KRT1: variants seen among roughly 807,000 people sequenced by gnomAD.
KRT1 encodes keratin, type II cytoskeletal 1.
KRT1 carries 28 observed loss-of-function variants against 51.6 expected under a neutral mutation model. The ratio of observed to expected loss-of-function variants is 0.54; its 90% CI spans 0.40 to 0.74. KRT1 has a LOEUF of 0.74. KRT1 is among the 30% of genes least tolerant of loss of function. The probability of loss-of-function intolerance (pLI) is 0.00; values close to 1 mark genes in which losing one functional copy is unlikely to be tolerated. For synonymous variants in KRT1, 301 were observed against 307.7 expected (o/e 0.98, Z 0.23); for missense variants, 783 against 815.5 (o/e 0.96, Z 0.49).
chr12:52,675,496 G>GCCA lies in KRT1; in HGVS notation c.1629_1631dup (p.Gly548dup), dbSNP rs1941488679. 1 of 1,546,378 alleles carries GCCA rather than the reference G, an allele frequency of 6.5e-7. No individual in the cohort carries two copies. Among genetic ancestry groups the GCCA allele is most frequent in the Admixed American group, 1.8e-5 (1 of 56,046 alleles). On this transcript the variant is annotated inframe_insertion, in exon 9 of 9. Coordinates refer to ENST00000252244, the MANE Select transcript of KRT1 (RefSeq NM_006121.4). ...CATAGCTGCCACGGCCGCCGCCGCC[G>GCCA]CCACCTCCAGAACCATAGCTACCAC...
At chr12:52,678,795 G>C (rs770965582) in intron 1 of KRT1, 39 bp from the exon 2 acceptor site, 52 of 1,567,766 alleles carry the variant, frequency 3.3e-5, no homozygotes, top group Non-Finnish European at 4.3e-5. Context: ...ATGCATAAAT[G>C]GAGTCTCATA....
intron 6 of KRT1, 149 bp from the exon 7 acceptor site, chr12:52,676,644 A>C: frequency 2.6e-6 from 2 of 780,812 alleles, no homozygotes; most frequent in Admixed American, 4.0e-5. Flanking sequence ...CAGATAACAC[A>C]TCACCATGTT....
Position 52,680,035 on chromosome 12 carries a change from C to T in KRT1, c.314G>A (p.Gly105Asp). The T allele has an allele frequency of 1.3e-6, 2 of 1,557,670 alleles. No homozygotes were observed. Among genetic ancestry groups the T allele is most frequent in the Non-Finnish European group, 1.7e-6 (2 of 1,150,450 alleles). Reference sequence around the variant, plus strand: ...GCCACCTCCACCAAAGCCACCACCACCAAAGCCACCACCACCAAAGCCACC... The same window carrying T: ...GCCACCTCCACCAAAGCCACCACCATCAAAGCCACCACCACCAAAGCCACC... Reference protein sequence around the residue: ...GGGGFGGGGFGGGGFGGGGIG... With the variant: ...GGGGFGGGGFDGGGFGGGGIG... The change falls in exon 1 of 9, where the codon GGT (glycine) becomes GAT (aspartate). Residue 105 changes from glycine (G) to aspartate (D), a missense_variant. Coordinates refer to ENST00000252244, the MANE Select transcript of KRT1 (RefSeq NM_006121.4).
chr12:52,675,510 C>A lies in KRT1; in HGVS notation c.1618G>T (p.Gly540Cys), dbSNP rs766125642. ...CCGCCGCCGCCGCCACCTCCAGAAC[C>A]ATAGCTACCACCTCCGGAGCCATAG... ...SSYGSGGGSYGSGGGGGGGRG... is the reference protein window; with the variant it reads ...SSYGSGGGSYCSGGGGGGGRG... The change falls in exon 9 of 9, where the codon GGT becomes TGT. Residue 540 changes from glycine to cysteine, a missense_variant. Gly to Cys is a radical substitution (Grantham distance 159, BLOSUM62 -3). Transcript: ENST00000252244. The A allele has an allele frequency of 1.3e-6, 2 of 1,596,664 alleles. No individual in the cohort carries two copies. Among genetic ancestry groups the A allele is most frequent in the South Asian group, 1.1e-5 (1 of 89,794 alleles).
intron 7 of KRT1, 98 bp downstream of exon 7, chr12:52,676,177 C>T (rs1941499537): frequency 2.0e-6 from 2 of 1,022,826 alleles, no homozygotes; most frequent in Admixed American, 2.0e-5. Context: ...CCATACCCAG[C>T]ACAAGCTGCA....
At chr12:52,678,827 T>C (rs1941546125) in intron 1 of KRT1, 71 bp from the exon 2 acceptor site, 2 of 1,367,434 alleles carry the variant, frequency 1.5e-6, no homozygotes, top group East Asian at 2.4e-5. Context: ...CTGTGCCTCA[T>C]TTGGAAAAGA....
In KRT1 at chr12:52,677,388, A is replaced by G; in HGVS notation, c.1056T>C (p.Ala352=). Residue 352 remains alanine, a synonymous_variant, in exon 5 of 9, where the codon GCT becomes GCC. Coordinates refer to ENST00000252244, the MANE Select transcript of KRT1 (RefSeq NM_006121.4). Reference sequence around the variant, plus strand: ...TATCCTCGTACTGGGCCTTGACCTCAGCAATGATGCTGTCCAGGTCGAGAC... The same window carrying G: ...TATCCTCGTACTGGGCCTTGACCTCGGCAATGATGCTGTCCAGGTCGAGAC... ...NRSLDLDSII[A]EVKAQYEDIA... is the part of the protein sequence containing the mutation. 6.2e-7 allele frequency: 1 copy of G among 1,614,236 alleles called. No homozygotes were observed. The highest frequency in any genetic ancestry group is 1.1e-5 in the South Asian group (1 of 91,084).
At position 52,675,372 on chromosome 12, in the gene KRT1, C is replaced by T. The variant is rs1286938556; in HGVS notation, c.1756G>A (p.Gly586Ser). Residue 586 changes from glycine to serine, a missense_variant, in exon 9 of 9, where the codon GGC (glycine) becomes AGC (serine). By Grantham distance (56) the Gly-to-Ser change is moderately conservative (BLOSUM62 0). Coordinates refer to ENST00000252244, the MANE Select transcript of KRT1 (RefSeq NM_006121.4). ...CCGCCTCCAGAGCCACCTCTGTAGC[C>T]CCCACTGCTGCTTCCGGAGCCGTAG... ...GSYGSGSSSG[G>S]YRGGSGGGGG... is the part of the protein sequence containing the mutation. The T allele has an allele frequency of 1.9e-6, 3 of 1,608,958 alleles. No individual in the cohort carries two copies. Among genetic ancestry groups the T allele is most frequent in the South Asian group, 2.2e-5 (2 of 90,894 alleles).
chr12:52,678,402 A>C (rs1592265887), intron 2 of KRT1, 140 bp downstream of exon 2: 1 of 1,070,196 alleles, frequency 9.3e-7, no homozygotes, highest in African/African-American at 1.6e-5. Context: ...TGAGAAAATG[A>C]AGATTTCTGA....
Position 52,674,825 on chromosome 12 carries a change from T to A in KRT1, c.*368A>T, listed in dbSNP as rs963489715. 5.2e-6 allele frequency: 2 copies of A among 383,236 alleles called. No individual in the cohort carries two copies. Among genetic ancestry groups the A allele is most frequent in the East Asian group, 5.5e-5 (1 of 18,078 alleles). 23.7% of individuals were successfully genotyped at this position (383,236 alleles called of 1,614,324 possible). A position where few individuals can be genotyped will look rare whatever the true frequency, so the allele number is the denominator to read the frequency against. On this transcript the variant is annotated 3_prime_UTR_variant, in exon 9 of 9. Coordinates refer to ENST00000252244, the MANE Select transcript of KRT1 (RefSeq NM_006121.4). Reference sequence around the variant, plus strand: ...AGAAAAACAACTTGCTTACACCTTATGTACAAAACCAAAACAGCACAGAGA... The same window carrying A: ...AGAAAAACAACTTGCTTACACCTTAAGTACAAAACCAAAACAGCACAGAGA...
chr12:52,676,199 G>A, intron 7 of KRT1, 76 bp downstream of exon 7: 2 of 1,210,560 alleles, frequency 1.7e-6, no homozygotes, highest in Non-Finnish European at 1.2e-6. Flanking sequence ...TCAGATGGCT[G>A]CATCTTCAAC....
Position 52,677,147 on chromosome 12 carries a change from T to G in KRT1, c.1166A>C (p.Asp389Ala). The G allele has an allele frequency of 1.9e-6, 3 of 1,614,130 alleles. No homozygotes were observed. Among genetic ancestry groups the G allele is most frequent in the Non-Finnish European group, 1.7e-6 (2 of 1,180,034 alleles). The change falls in exon 6 of 9, where the codon GAT becomes GCT. Residue 389 changes from aspartate to alanine, a missense_variant. Asp to Ala is a moderately radical substitution (Grantham distance 126). Coordinates refer to ENST00000252244, the MANE Select transcript of KRT1 (RefSeq NM_006121.4). The part of the protein sequence containing the change: ...ELQITAGRHG[D>A]SVRNSKIEIS... ...TTCTATCTTTGAATTTCTCACACTA[T>G]CCCCATGTCTGCCAGCAGTGATCTG...
chr12:52,679,995 G>A lies in KRT1; in HGVS notation c.354C>T (p.Gly118=), dbSNP rs1219948356. 2 of 1,583,952 alleles carry A rather than the reference G, an allele frequency of 1.3e-6. No homozygotes were observed. The highest frequency in any genetic ancestry group is 1.7e-6 in the Non-Finnish European group (2 of 1,165,698). The part of the protein sequence containing the change: ...GFGGGGIGGG[G]FGGFGSGGGG... ...CACCACCACTGCCAAAACCACCAAA[G>A]CCACCACCCCCAATGCCACCTCCAC... is the stretch of plus-strand genomic sequence containing the variant. Residue 118 remains glycine, a synonymous_variant, in exon 1 of 9, where the codon GGC becomes GGT. Coordinates refer to ENST00000252244, the MANE Select transcript of KRT1 (RefSeq NM_006121.4).
chr12:52,677,452 C>G lies in KRT1; in HGVS notation c.992G>C (p.Ser331Thr), dbSNP rs1195559538. 1.2e-6 allele frequency: 2 copies of G among 1,614,068 alleles called. No homozygotes were observed. The highest frequency in any genetic ancestry group is 1.3e-5 in the African/African-American group (1 of 74,918). The change falls in exon 5 of 9, where the codon AGT becomes ACT. Residue 331 changes from serine (S) to threonine (T), a missense_variant. By Grantham distance (58) the Ser-to-Thr change is moderately conservative (BLOSUM62 1). Transcript: ENST00000252244. ...CATAGAGAGGATGACATTAGTTTCA[C>G]TGATTTGAGTCTGCATCTGAGACAA... ...AELSQMQTQI[S>T]ETNVILSMDN...
chr12:52,675,207 C>T lies in KRT1; in HGVS notation c.1921G>A (p.Gly641Arg), dbSNP rs1375564720. Residue 641 changes from glycine to arginine, a missense_variant, in exon 9 of 9, where the codon GGA becomes AGA. Gly to Arg is a moderately radical substitution (Grantham distance 125, BLOSUM62 -2). Coordinates refer to ENST00000252244, the MANE Select transcript of KRT1 (RefSeq NM_006121.4). ...AGGGCATCTCTTTATCTGGTTACTC[C>T]GGAATAAGTGGTAGAAACAAACTTC... Reference protein sequence around the residue: ...SVKFVSTTYSGVTR With the variant: ...SVKFVSTTYSRVTR 2 of 1,613,624 alleles carry T rather than the reference C, an allele frequency of 1.2e-6. No individual in the cohort carries two copies. Among genetic ancestry groups the T allele is most frequent in the African/African-American group, 1.3e-5 (1 of 74,912 alleles).
In KRT1 at chr12:52,677,158, G is replaced by C; in HGVS notation, c.1155C>G (p.Gly385=). The part of the protein sequence containing the change: ...SKYEELQITA[G]RHGDSVRNSK... ...AATTTCTCACACTATCCCCATGTCT[G>C]CCAGCAGTGATCTGCAGCTCTTCAT... The change falls in exon 6 of 9, where the codon GGC becomes GGG. Residue 385 remains glycine, a synonymous_variant. Transcript: ENST00000252244. 6.2e-7 allele frequency: 1 copy of C among 1,614,172 alleles called. No individual in the cohort carries two copies. Among genetic ancestry groups the C allele is most frequent in the Non-Finnish European group, 8.5e-7 (1 of 1,180,050 alleles).
chr12:52,676,923 A>C, intron 6 of KRT1, 136 bp downstream of exon 6: 1 of 1,190,436 alleles, frequency 8.4e-7, no homozygotes, highest in East Asian at 2.4e-5. Flanking sequence ...AAACTAGCAT[A>C]GTCACAAAAG....
chr12:52,677,031 CT>C, intron 6 of KRT1, 27 bp downstream of exon 6: 1 of 1,610,476 alleles, frequency 6.2e-7, no homozygotes, highest in Non-Finnish European at 8.5e-7. Context: ...TTCCATACAG[CT>C]GAGTGGTAGA....
In KRT1 at chr12:52,675,465, C is replaced by T. The variant is rs754534861; in HGVS notation, c.1663G>A (p.Gly555Arg). The T allele has an allele frequency of 2.1e-6, 3 of 1,428,632 alleles. No individual in the cohort carries two copies. The highest frequency in any genetic ancestry group is 4.2e-5 in the Admixed American group (2 of 47,772). The allele number at this position is 1,428,632 out of a possible 1,614,324, so 88.5% of individuals were successfully genotyped here. The change falls in exon 9 of 9, where the codon GGA becomes AGA. Residue 555 changes from glycine (G) to arginine (R), a missense_variant. Coordinates refer to ENST00000252244, the MANE Select transcript of KRT1 (RefSeq NM_006121.4). ...CCTCCGGAGCCGTAGCTGCTACCTC[C>T]GGAGCCATAGCTGCCACGGCCGCCG... Reference protein sequence around the residue: ...GGGGRGSYGSGGSSYGSGGGS... With the variant: ...GGGGRGSYGSRGSSYGSGGGS...
Sources: gnomAD v4.1 joint callset for allele counts on GRCh38, gnomAD v4.1.1 for gene constraint, MANE v1.5 for transcripts, NCBI Gene and HGNC (gene_info 2026-07-23, HGNC 2026-07-21) for gene names.